Variants in THRB observed in about 807,000 individuals in gnomAD.
THRB encodes the protein thyroid hormone receptor beta.
In THRB, 12 loss-of-function variants were observed where a neutral mutation model predicts 47.8. The observed-to-expected ratio is 0.25, with a 90% CI of 0.16 to 0.41. The LOEUF is 0.41. Among genes scored for constraint, THRB ranks in the 10% least tolerant of loss-of-function variants. The pLI, the probability that THRB is intolerant of heterozygous loss-of-function variation, is 1.00. For missense variants in THRB, 348 were observed against 589.2 expected (o/e 0.59, Z 4.24); for synonymous variants, 218 against 212.2 (o/e 1.03, Z -0.24).
At chr3:24,190,436 C>G in intron 4 of THRB, 102 bp from the exon 5 acceptor site, 1 of 1,451,008 alleles carries the variant, frequency 6.9e-7, no homozygotes, top group Non-Finnish European at 9.7e-7. Context: ...TTCTTTTGGG[C>G]TGACAGTATT....
chr3:24,336,674 T>C (rs2062273585), intron 2 of THRB, among the ~76,000 whole-genome samples: 1 of 152,028 alleles, frequency 6.6e-6, no homozygotes, highest in Non-Finnish European at 1.5e-5. Flanking sequence ...CACAGGTGCT[T>C]GTACCCTATC....
chr3:24,420,422 T>C (rs2069132636), intron 1 of THRB, among the ~76,000 whole-genome samples: 1 of 151,914 alleles, frequency 6.6e-6, no homozygotes, highest in African/African-American at 2.4e-5. Context: ...GTGCTGAAGT[T>C]CATGGTGAGC....
intron 3 of THRB, among the ~76,000 whole-genome samples, chr3:24,275,880 C>G (rs1185895927): frequency 2.0e-5 from 3 of 152,170 alleles, no homozygotes; most frequent in South Asian, 4.1e-4. Context: ...TAACCCTCTA[C>G]ATTTCAAATA....
chr3:24,359,142 T>C (rs1193023131), intron 1 of THRB, among the ~76,000 whole-genome samples: 3 of 152,042 alleles, frequency 2.0e-5, no homozygotes, highest in African/African-American at 4.8e-5. Flanking sequence ...CAGGGCTTCG[T>C]TGGATGGTTC....
At chr3:24,447,615 G>T (rs932589275) in intron 1 of THRB, among the ~76,000 whole-genome samples, 1 of 152,064 alleles carries the variant, frequency 6.6e-6, no homozygotes, top group Non-Finnish European at 1.5e-5. Flanking sequence ...TCTTTGAAAT[G>T]AATGATTTCA....
At chr3:24,244,361 G>T (rs1307386478) in intron 3 of THRB, among the ~76,000 whole-genome samples, 1 of 152,146 alleles carries the variant, frequency 6.6e-6, no homozygotes, top group Non-Finnish European at 1.5e-5. Context: ...TTCTTGTCAG[G>T]CATGTGGATT....
At chr3:24,418,832 T>C (rs1490731831) in intron 1 of THRB, among the ~76,000 whole-genome samples, 1 of 152,004 alleles carries the variant, frequency 6.6e-6, no homozygotes, top group Non-Finnish European at 1.5e-5. Flanking sequence ...AGCTAACTTT[T>C]GGGACTACAT....
chr3:24,396,812 G>A (rs1398509397), intron 1 of THRB, among the ~76,000 whole-genome samples: 1 of 152,080 alleles, frequency 6.6e-6, no homozygotes, highest in Admixed American at 6.6e-5. Context: ...AAATCCCAAA[G>A]TTTCACAACT....
intron 1 of THRB, among the ~76,000 whole-genome samples, chr3:24,462,191 T>C (rs1376086357): frequency 1.3e-5 from 2 of 152,086 alleles, no homozygotes; most frequent in African/African-American, 4.8e-5. Flanking sequence ...CAGCAGCATG[T>C]TATCCCAAAA....
chr3:24,238,974 C>G (rs989638931), intron 3 of THRB, among the ~76,000 whole-genome samples: 1 of 149,410 alleles, frequency 6.7e-6, no homozygotes, highest in Non-Finnish European at 1.5e-5. Context: ...CAGAGTCTTG[C>G]TCTGTCACCC....
intron 3 of THRB, among the ~76,000 whole-genome samples, chr3:24,251,961 G>GA (rs1317511308): frequency 6.6e-6 from 1 of 151,908 alleles, no homozygotes; most frequent in African/African-American, 2.4e-5. Flanking sequence ...CAATACACCA[G>GA]AAAAAATGGA....
chr3:24,325,747 C>T (rs1339541806), intron 2 of THRB, among the ~76,000 whole-genome samples: 3 of 152,154 alleles, frequency 2.0e-5, no homozygotes, highest in African/African-American at 7.2e-5. Flanking sequence ...TATAACAATC[C>T]CTGCCTGTTT....
At chr3:24,289,322 A>C (rs1250890010) in intron 3 of THRB, among the ~76,000 whole-genome samples, 1 of 152,276 alleles carries the variant, frequency 6.6e-6, no homozygotes, top group Non-Finnish European at 1.5e-5. Context: ...AAAGACAAAC[A>C]CAAGTTCAAA....
At chr3:24,299,778 TTTATTTATTTA>T (rs2056787094) in intron 2 of THRB, among the ~76,000 whole-genome samples, 2 of 30,588 alleles carry the variant, frequency 6.5e-5, no homozygotes, top group Non-Finnish European at 1.3e-4. Context: ...TTTTTATTTA[TTTATTTATTTA>T]TTTTTTTTTT....
At chr3:24,354,957 T>A (rs1452925889) in intron 1 of THRB, among the ~76,000 whole-genome samples, 1 of 152,144 alleles carries the variant, frequency 6.6e-6, no homozygotes, top group Admixed American at 6.6e-5. Flanking sequence ...AGAATGGATA[T>A]TAAAACTAGA....
chr3:24,452,783 T>C (rs2072792870), intron 1 of THRB, among the ~76,000 whole-genome samples: 1 of 152,186 alleles, frequency 6.6e-6, no homozygotes, highest in Admixed American at 6.5e-5. Flanking sequence ...CACACTCTTT[T>C]TGCTATATCT....
At chr3:24,149,953 C>A (rs951494128) in intron 6 of THRB, among the ~76,000 whole-genome samples, 12 of 152,256 alleles carry the variant, frequency 7.9e-5, no homozygotes, top group African/African-American at 2.9e-4. Context: ...AGACATGTTT[C>A]TTTGTATTCT....
At chr3:24,229,818 G>A (rs766280392) in intron 3 of THRB, among the ~76,000 whole-genome samples, 9 of 152,232 alleles carry the variant, frequency 5.9e-5, no homozygotes, top group Admixed American at 2.6e-4. Context: ...GCCAGTGGTA[G>A]ATGGTGGTAG....
At chr3:24,218,524 TACAA>T (rs906527492) in intron 4 of THRB, among the ~76,000 whole-genome samples, 26 of 151,958 alleles carry the variant, frequency 1.7e-4, no homozygotes, top group African/African-American at 6.0e-4. Flanking sequence ...CTTAAAAAAG[TACAA>T]ACACTCATTT....
Sources: allele counts gnomAD v4.1 joint callset (sites outside exome capture counted in the v4.1 genomes callset), GRCh38; gene constraint gnomAD v4.1.1; transcripts MANE v1.5; gene names NCBI Gene and HGNC (gene_info 2026-07-23, HGNC 2026-07-21).